Variants in KLF6 observed in about 807,000 individuals in gnomAD.
KLF6 encodes the protein KLF transcription factor 6, also known as Krueppel-like factor 6.
For synonymous variants in KLF6, 152 were observed against 147.9 expected, an observed-to-expected ratio of 1.03 and a Z score of -0.20; for missense variants, 233 against 359.8, an observed-to-expected ratio of 0.65 and a Z score of 2.85.
Position 3,777,633 on chromosome 10 carries a change from G to A in KLF6, c.*1906C>T, listed in dbSNP as rs951949921. On this transcript the variant is annotated 3_prime_UTR_variant, in exon 4 of 4. Coordinates refer to ENST00000497571, the MANE Select transcript of KLF6 (RefSeq NM_001300.6). ...AAGATAAAGCCTCTATAAAAGTTAG[G>A]TTATGGTTTTCATTTTTACCTCCTT... 2.0e-6 allele frequency: 1 copy of A among 495,624 alleles called. No individual in the cohort carries two copies. Among genetic ancestry groups the A allele is most frequent in the South Asian group, 1.6e-5 (1 of 64,420 alleles). The allele number at this position is 495,624 out of a possible 1,614,324, so 30.7% of individuals were successfully genotyped here.
rs144914426 is a variant in KLF6 at position 3,781,952 on chromosome 10, G to A, written c.365C>T (p.Thr122Met). ...AATGGGGTCGGAGGTAAACTTGGCCGTGGGAGAAAGTTCCTCGGAGCTGTC... is the reference window on the plus strand; with the variant it reads ...AATGGGGTCGGAGGTAAACTTGGCCATGGGAGAAAGTTCCTCGGAGCTGTC... The part of the protein sequence containing the change: ...SSDSSEELSP[T>M]AKFTSDPIGE... Residue 122 changes from threonine to methionine, a missense_variant, in exon 2 of 4, where the codon ACG becomes ATG. Thr to Met is a moderately conservative substitution (Grantham distance 81). Coordinates refer to ENST00000497571, the MANE Select transcript of KLF6 (RefSeq NM_001300.6). This position sits in a 1 kb window ranked among gnomAD's most constrained non-coding sequence, Gnocchi z 5.8. The A allele has an allele frequency of 1.3e-4, 206 of 1,614,116 alleles. No homozygotes were observed. The highest frequency in any genetic ancestry group is 7.6e-4 in the South Asian group (69 of 91,096).
chr10:3,777,377 T>C lies in KLF6; in HGVS notation c.*2162A>G, dbSNP rs1450267182. 7.8e-6 allele frequency: 4 copies of C among 513,284 alleles called. No individual in the cohort carries two copies. The highest frequency in any genetic ancestry group is 1.5e-5 in the Non-Finnish European group (4 of 263,060). 31.8% of individuals were successfully genotyped at this position (513,284 alleles called of 1,614,324 possible). A position where few individuals can be genotyped will look rare whatever the true frequency, so the allele number is the denominator to read the frequency against. On this transcript the variant is annotated 3_prime_UTR_variant, in exon 4 of 4. Coordinates refer to ENST00000497571, the MANE Select transcript of KLF6 (RefSeq NM_001300.6). ...ATAGCTTCATCTGCATAAAAAGTGTTCTACAAAAGAATCCCTGTGGTTAGC... is the reference window on the plus strand; with the variant it reads ...ATAGCTTCATCTGCATAAAAAGTGTCCTACAAAAGAATCCCTGTGGTTAGC...
In KLF6 at chr10:3,779,431, G is replaced by C. The variant is rs751929273; in HGVS notation, c.*108C>G. The stretch of plus-strand genomic sequence containing the variant: ...CCAAGGAGAGGCCCTGGAGGCAACT[G>C]GGTAGGGTGCAGAACGGCATGCTTT... On this transcript the variant is annotated 3_prime_UTR_variant, in exon 4 of 4. Coordinates refer to ENST00000497571, the MANE Select transcript of KLF6 (RefSeq NM_001300.6). 3.1e-6 allele frequency: 3 copies of C among 972,604 alleles called. No homozygotes were observed. Among genetic ancestry groups the C allele is most frequent in the African/African-American group, 1.6e-5 (1 of 62,620 alleles). The allele number at this position is 972,604 out of a possible 1,614,324, so 60.2% of individuals were successfully genotyped here. A position where few individuals can be genotyped will look rare whatever the true frequency, so the allele number is the denominator to read the frequency against.
rs1832396545 is a variant in KLF6 at position 3,776,946 on chromosome 10, G to GTCTT, written c.*2589_*2592dup. ...TTTTTTTTTTCCTTTTTTTTTTTTT[G>GTCTT]TCTTTTGCTTACCTTCTTGCTTAAT... On this transcript the variant is annotated 3_prime_UTR_variant, in exon 4 of 4. Coordinates refer to ENST00000497571, the MANE Select transcript of KLF6 (RefSeq NM_001300.6). 1 of 212,406 alleles carries GTCTT rather than the reference G, an allele frequency of 4.7e-6. No homozygotes were observed. The highest frequency in any genetic ancestry group is 4.7e-5 in the African/African-American group (1 of 21,162). 13.2% of individuals were successfully genotyped at this position (212,406 alleles called of 1,614,324 possible).
At chr10:3,779,994 C>A in intron 3 of KLF6, 112 bp downstream of exon 3, 1 of 1,349,114 alleles carries the variant, frequency 7.4e-7, no homozygotes, top group Admixed American at 1.7e-5. Flanking sequence ...AATGTTCACA[C>A]ATAGGAAACT....
In KLF6 at chr10:3,778,694, T is replaced by A. The variant is rs1300508320; in HGVS notation, c.*845A>T. ...TGTATTAGACAGATTGGATCTTAGC[T>A]GCTCATTAACTGGAATCAGTATTGC... On this transcript the variant is annotated 3_prime_UTR_variant, in exon 4 of 4. Coordinates refer to ENST00000497571, the MANE Select transcript of KLF6 (RefSeq NM_001300.6). The A allele has an allele frequency of 3.8e-6, 2 of 528,338 alleles. No individual in the cohort carries two copies. Among genetic ancestry groups the A allele is most frequent in the Admixed American group, 4.5e-5 (2 of 44,786 alleles). 32.7% of individuals were successfully genotyped at this position (528,338 alleles called of 1,614,324 possible).
chr10:3,781,027 C>T lies in KLF6; in HGVS notation c.676+614G>A. 6.1e-6 allele frequency: 1 copy of T among 163,978 alleles called. No homozygotes were observed. Among genetic ancestry groups the T allele is most frequent in the South Asian group, 1.5e-4 (1 of 6,650 alleles). 10.2% of individuals were successfully genotyped at this position (163,978 alleles called of 1,614,324 possible). A position where few individuals can be genotyped will look rare whatever the true frequency, so the allele number is the denominator to read the frequency against. On this transcript the variant is annotated intron_variant, in intron 2 of 3. Coordinates refer to ENST00000497571, the MANE Select transcript of KLF6 (RefSeq NM_001300.6). The surrounding 1 kb of genome is among the most constrained non-coding windows in gnomAD (Gnocchi z 5.8). ...GTTCTGTGATTCCTCACCAATTATC[C>T]TAGAACATGTCAAGGTATTTTTAAA...
chr10:3,779,878 A>G (rs1832482760), intron 3 of KLF6, among the ~76,000 whole-genome samples: 1 of 152,268 alleles, frequency 6.6e-6, no homozygotes, highest in African/African-American at 2.4e-5. Context: ...ATCTCCAAAC[A>G]TATCAATAAA....
Position 3,778,841 on chromosome 10 carries a change from C to G in KLF6, c.*698G>C. 1 of 533,442 alleles carries G rather than the reference C, an allele frequency of 1.9e-6. No individual in the cohort carries two copies. Among genetic ancestry groups the G allele is most frequent in the Non-Finnish European group, 3.6e-6 (1 of 275,808 alleles). 33.0% of individuals were successfully genotyped at this position (533,442 alleles called of 1,614,324 possible). ...AATACACAGCTTATACAATGGGTTA[C>G]AAATGAGCTATGTTGTAGCGTGTAA... On this transcript the variant is annotated 3_prime_UTR_variant, in exon 4 of 4. Transcript: ENST00000497571.
Position 3,781,366 on chromosome 10 carries a change from G to A in KLF6, c.676+275C>T, listed in dbSNP as rs1204126157. The A allele has an allele frequency of 7.0e-6, 10 of 1,420,382 alleles. No individual in the cohort carries two copies. The African/African-American group carries it at 8.6e-5, about 12-fold the overall frequency. The allele number at this position is 1,420,382 out of a possible 1,614,324, so 88.0% of individuals were successfully genotyped here. On this transcript the variant is annotated intron_variant, in intron 2 of 3. Transcript: ENST00000497571. This position sits in a 1 kb window ranked among gnomAD's most constrained non-coding sequence, Gnocchi z 5.8. ...ATCCCCAGCACTACTAAGGGGTGGGGGGTGGAGGTTTGGGTGTCCGTGGAG... is the reference window on the plus strand; with the variant it reads ...ATCCCCAGCACTACTAAGGGGTGGGAGGTGGAGGTTTGGGTGTCCGTGGAG...
intron 1 of KLF6, among the ~76,000 whole-genome samples, chr10:3,784,476 TAAAA>T (rs1564297218): frequency 1.3e-5 from 2 of 149,780 alleles, no homozygotes; most frequent in Non-Finnish European, 3.0e-5. Flanking sequence ...AAGACAAAAA[TAAAA>T]GAGAGCTGGT....
intron 1 of KLF6, 45 bp downstream of exon 1, chr10:3,784,868 C>T (rs1359730485): frequency 4.5e-6 from 7 of 1,572,678 alleles, no homozygotes; most frequent in African/African-American, 2.7e-5. Flanking sequence ...GCCGACCCGG[C>T]CCGCGCCCCG....
In KLF6 at chr10:3,781,365, G is replaced by C; in HGVS notation, c.676+276C>G. 7.0e-7 allele frequency: 1 copy of C among 1,419,672 alleles called. No homozygotes were observed. Among genetic ancestry groups the C allele is most frequent in the South Asian group, 1.4e-5 (1 of 70,208 alleles). The allele number at this position is 1,419,672 out of a possible 1,614,324, so 87.9% of individuals were successfully genotyped here. On this transcript the variant is annotated intron_variant, in intron 2 of 3. Coordinates refer to ENST00000497571, the MANE Select transcript of KLF6 (RefSeq NM_001300.6). The surrounding 1 kb of genome is among the most constrained non-coding windows in gnomAD (Gnocchi z 5.8). Reference sequence around the variant, plus strand: ...GATCCCCAGCACTACTAAGGGGTGGGGGGTGGAGGTTTGGGTGTCCGTGGA... The same window carrying C: ...GATCCCCAGCACTACTAAGGGGTGGCGGGTGGAGGTTTGGGTGTCCGTGGA...
At chr10:3,784,797 G>C (rs570342363) in intron 1 of KLF6, 116 bp downstream of exon 1, 1 of 970,760 alleles carries the variant, frequency 1.0e-6, no homozygotes, top group African/African-American at 1.8e-5. Flanking sequence ...CGCTCCCCCG[G>C]TGACAGCGCG....
At position 3,779,228 on chromosome 10, in the gene KLF6, G is replaced by C. The variant is rs1450501182; in HGVS notation, c.*311C>G. The C allele has an allele frequency of 1.7e-6, 1 of 576,848 alleles. No homozygotes were observed. The highest frequency in any genetic ancestry group is 3.6e-5 in the East Asian group (1 of 28,140). The allele number at this position is 576,848 out of a possible 1,614,324, so 35.7% of individuals were successfully genotyped here. A position where few individuals can be genotyped will look rare whatever the true frequency, so the allele number is the denominator to read the frequency against. On this transcript the variant is annotated 3_prime_UTR_variant, in exon 4 of 4. Transcript: ENST00000497571. ...TGGCCTCATCATACGGTCAGTAATA[G>C]ATCCTCAACATACAATCAACCCAAC...
Position 3,777,111 on chromosome 10 carries a change from T to A in KLF6, c.*2428A>T. The A allele has an allele frequency of 2.0e-6, 1 of 510,778 alleles. No homozygotes were observed. The allele number at this position is 510,778 out of a possible 1,614,324, so 31.6% of individuals were successfully genotyped here. Reference sequence around the variant, plus strand: ...AAACGAAATGAGTTTCTTAGGTAAATGTATTCATCAGCCCAGATAAAAAAA... The same window carrying A: ...AAACGAAATGAGTTTCTTAGGTAAAAGTATTCATCAGCCCAGATAAAAAAA... On this transcript the variant is annotated 3_prime_UTR_variant, in exon 4 of 4. Coordinates refer to ENST00000497571, the MANE Select transcript of KLF6 (RefSeq NM_001300.6).
In KLF6 at chr10:3,780,058, T is replaced by A; in HGVS notation, c.800+48A>T. ...CACCTACTCAACCCTGGTCATCACA[T>A]TCCCAAGGCCCCACGCTCCTTGCCC... On this transcript the variant is annotated intron_variant, in intron 3 of 3. Coordinates refer to ENST00000497571, the MANE Select transcript of KLF6 (RefSeq NM_001300.6). The surrounding 1 kb of genome is among the most constrained non-coding windows in gnomAD (Gnocchi z 4.6). 1 of 1,612,674 alleles carries A rather than the reference T, an allele frequency of 6.2e-7. No individual in the cohort carries two copies. Among genetic ancestry groups the A allele is most frequent in the Non-Finnish European group, 8.5e-7 (1 of 1,179,318 alleles).
In KLF6 at chr10:3,776,759, A is replaced by G; in HGVS notation, c.*2780T>C. On this transcript the variant is annotated 3_prime_UTR_variant, in exon 4 of 4. Transcript: ENST00000497571. ...GAAATTTTTTTTTAATTTCAAGCAA[A>G]AAGTTTCTGCTTGATTGAGGCTCAG... The G allele has an allele frequency of 2.0e-6, 1 of 489,002 alleles. No homozygotes were observed. The highest frequency in any genetic ancestry group is 3.9e-6 in the Non-Finnish European group (1 of 257,626). 30.3% of individuals were successfully genotyped at this position (489,002 alleles called of 1,614,324 possible).
rs761127389 is a variant in KLF6 at position 3,778,922 on chromosome 10, C to G, written c.*617G>C. 6.5e-5 allele frequency: 35 copies of G among 534,746 alleles called. No individual in the cohort carries two copies. In the Middle Eastern group the frequency reaches 2.0e-3, roughly 31 times the overall value. The allele number at this position is 534,746 out of a possible 1,614,324, so 33.1% of individuals were successfully genotyped here. A position where few individuals can be genotyped will look rare whatever the true frequency, so the allele number is the denominator to read the frequency against. ...TAGCTGCACCAGACACTAAGAGTTC[C>G]TCTCACACAGAAAAGGGGGAGAGAG... is the stretch of plus-strand genomic sequence containing the variant. On this transcript the variant is annotated 3_prime_UTR_variant, in exon 4 of 4. Coordinates refer to ENST00000497571, the MANE Select transcript of KLF6 (RefSeq NM_001300.6).
Sources: gnomAD v4.1 joint callset for allele counts (sites outside exome capture counted in the v4.1 genomes callset) on GRCh38, gnomAD v4.1.1 for gene constraint, Gnocchi (gnomAD v3.1) non-coding constraint, MANE v1.5 for transcripts, NCBI Gene and HGNC (gene_info 2026-07-23, HGNC 2026-07-21) for gene names.